PCDHA5: variants seen among roughly 807,000 people sequenced by gnomAD.
PCDHA5 encodes protocadherin alpha-5.
PCDHA5 carries 43 observed loss-of-function variants against 61.6 expected under a neutral mutation model. That is an observed-to-expected ratio of 0.70 (90% CI 0.55 to 0.90). PCDHA5 has a LOEUF of 0.90. Among genes scored for constraint, PCDHA5 ranks in the 40% least tolerant of loss-of-function variants. PCDHA5 has a pLI of 0.00. For synonymous variants in PCDHA5, 627 were observed against 543.9 expected (o/e 1.15, Z -2.13); for missense variants, 1,298 against 1,222.7 (o/e 1.06, Z -0.92).
At chr5:140,902,846 A>G (rs1119032) in intron 1 of PCDHA5, among the ~76,000 whole-genome samples, 22,643 of 152,174 alleles carry the variant, frequency 0.15, 1,744 homozygotes, top group Middle Eastern at 0.2. Flanking sequence ...CTTCACTTAG[A>G]AAAATGGCGT....
chr5:140,884,138 G>A (rs782798249), intron 1 of PCDHA5: 3 of 1,613,410 alleles, frequency 1.9e-6, no homozygotes, highest in South Asian at 1.1e-5. Context: ...CCCGTTCCGC[G>A]TGGGGCTGTA....
intron 1 of PCDHA5, among the ~76,000 whole-genome samples, chr5:140,893,393 C>T (rs1358613018): frequency 6.6e-6 from 1 of 152,144 alleles, no homozygotes; most frequent in Non-Finnish European, 1.5e-5. Context: ...TGGCTCATGC[C>T]TGTAATCCCA....
At chr5:140,836,210 TG>T (rs1340323722) in intron 1 of PCDHA5, 1 of 1,613,654 alleles carries the variant, frequency 6.2e-7, no homozygotes, top group Admixed American at 1.7e-5. Context: ...GGCTTTCGTA[TG>T]AGTTGCAACC....
intron 1 of PCDHA5, chr5:140,856,597 C>T: frequency 6.3e-7 from 1 of 1,597,412 alleles, no homozygotes; most frequent in East Asian, 2.2e-5. Context: ...ATATTATAAA[C>T]AAAAAAGACA....
intron 1 of PCDHA5, among the ~76,000 whole-genome samples, chr5:140,911,719 G>C (rs1184939092): frequency 6.6e-6 from 1 of 151,412 alleles, no homozygotes; most frequent in African/African-American, 2.5e-5. Context: ...GTGTAACTCT[G>C]TAAACAGTTC....
intron 1 of PCDHA5, chr5:140,862,359 CG>C: frequency 3.0e-6 from 1 of 337,856 alleles, no homozygotes; most frequent in Non-Finnish European, 5.8e-6. Flanking sequence ...AAGGGACAGA[CG>C]ACCCGCACCC....
chr5:140,891,912 T>C (rs2063306720), intron 1 of PCDHA5, among the ~76,000 whole-genome samples: 1 of 152,244 alleles, frequency 6.6e-6, no homozygotes, highest in Admixed American at 6.5e-5. Context: ...CTTCACCAGA[T>C]GCTGGTGCCT....
At chr5:140,827,441 C>T (rs1769294001) in intron 1 of PCDHA5, among the ~76,000 whole-genome samples, 2 of 152,198 alleles carry the variant, frequency 1.3e-5, no homozygotes, top group Non-Finnish European at 2.9e-5. Context: ...CATCATTACA[C>T]AGAAGAACCT....
intron 1 of PCDHA5, chr5:140,863,675 G>T (rs782582155): frequency 1.1e-4 from 31 of 292,406 alleles, no homozygotes; most frequent in South Asian, 4.0e-4. Context: ...TTTTGCTTTT[G>T]CTTTTTCTTT....
Position 140,823,367 on chromosome 5 carries a change from A to G in PCDHA5, c.1592A>G (p.Gln531Arg), listed in dbSNP as rs2150125075. 1.2e-6 allele frequency: 2 copies of G among 1,612,856 alleles called. No individual in the cohort carries two copies. Among genetic ancestry groups the G allele is most frequent in the Non-Finnish European group, 1.7e-6 (2 of 1,179,812 alleles). ...GACCACGAGGAAGTGGAGCTGCTGC[A>G]GTTCCAGGTGAGCGCGCGCGACGCG... ...PLDHEEVELL[Q>R]FQVSARDAGV... Residue 531 changes from glutamine to arginine, a missense_variant, in exon 1 of 4, where the codon CAG becomes CGG. Physicochemically the swap from Gln to Arg is conservative, Grantham distance 43 (BLOSUM62 1). Coordinates refer to ENST00000529859, the MANE Select transcript of PCDHA5 (RefSeq NM_018908.3).
At chr5:140,948,519 CTA>C (rs2094266581) in intron 1 of PCDHA5, among the ~76,000 whole-genome samples, 1 of 151,476 alleles carries the variant, frequency 6.6e-6, no homozygotes, top group African/African-American at 2.4e-5. Context: ...AATGTTAACA[CTA>C]TTTATATTTT....
At chr5:140,883,615 C>T (rs1554178913) in intron 1 of PCDHA5, 6 of 1,613,938 alleles carry the variant, frequency 3.7e-6, no homozygotes, top group African/African-American at 1.3e-5. Context: ...CCGACGTGAA[C>T]GACAACGCGC....
chr5:140,952,379 G>T (rs1384901092), intron 1 of PCDHA5, among the ~76,000 whole-genome samples: 1 of 151,322 alleles, frequency 6.6e-6, no homozygotes, highest in Non-Finnish European at 1.5e-5. Flanking sequence ...TCCTCTGCCA[G>T]GTACCCTAAA....
intron 1 of PCDHA5, chr5:140,883,477 C>CTACT: frequency 6.2e-7 from 1 of 1,614,172 alleles, no homozygotes; most frequent in Middle Eastern, 1.7e-4. Context: ...CCTACAAGAA[C>CTACT]TACTACTCAT....
intron 1 of PCDHA5, chr5:140,854,630 AG>A (rs1201731604): frequency 6.7e-6 from 1 of 150,240 alleles, no homozygotes; most frequent in African/African-American, 2.4e-5. Flanking sequence ...TCTTTAGAAA[AG>A]TCAAAACATC....
chr5:140,874,590 T>C (rs1345853316), intron 1 of PCDHA5, among the ~76,000 whole-genome samples: 11 of 152,248 alleles, frequency 7.2e-5, no homozygotes, highest in Non-Finnish European at 1.5e-4. Flanking sequence ...TTTGGGATAG[T>C]GTGAAATTTG....
At chr5:141,000,421 AT>A (rs34755515) in intron 3 of PCDHA5, among the ~76,000 whole-genome samples, 491 of 27,806 alleles carry the variant, frequency 0.018, 4 homozygotes, top group South Asian at 0.021. Flanking sequence ...ATATATATAT[AT>A]TTTTTTTTTT....
At chr5:140,937,190 A>T (rs1255488487) in intron 1 of PCDHA5, among the ~76,000 whole-genome samples, 1 of 151,824 alleles carries the variant, frequency 6.6e-6, no homozygotes, top group East Asian at 2.0e-4. Context: ...GGCGCCCGCC[A>T]CCATGCCCGG....
chr5:140,989,534 A>G (rs1201139003), intron 3 of PCDHA5, among the ~76,000 whole-genome samples: 1 of 152,184 alleles, frequency 6.6e-6, no homozygotes, highest in African/African-American at 2.4e-5. Flanking sequence ...GGAGGAAGAT[A>G]GTTTGTAATT....
Sources: gnomAD v4.1 joint callset for allele counts (sites outside exome capture counted in the v4.1 genomes callset) on GRCh38, gnomAD v4.1.1 for gene constraint, MANE v1.5 for transcripts, NCBI Gene and HGNC (gene_info 2026-07-23, HGNC 2026-07-21) for gene names.